The following SERPINB8 variants were observed in gnomAD, a reference collection of about 807,000 sequenced individuals.
SERPINB8 encodes the protein serpin family B member 8, also known as serpin B8.
Under a neutral mutation model 35.3 loss-of-function variants are expected in SERPINB8, and 25 were observed. The ratio of observed to expected loss-of-function variants is 0.71; its 90% CI spans 0.52 to 0.99. The LOEUF (loss-of-function observed/expected upper bound fraction) is 0.99, where lower values mean the gene tolerates loss of function less well. Among genes scored for constraint, SERPINB8 ranks in the 50% least tolerant of loss-of-function variants. The probability of loss-of-function intolerance (pLI) is 0.00; values close to 1 mark genes in which losing one functional copy is unlikely to be tolerated. For synonymous variants in SERPINB8, 186 were observed against 160.8 expected (o/e 1.16, Z -1.19); for missense variants, 484 against 446.5 (o/e 1.08, Z -0.76).
chr18:64,012,931 G>A (rs1296790002), intron 7 of SERPINB8, among the ~76,000 whole-genome samples: 1 of 152,112 alleles, frequency 6.6e-6, no homozygotes, highest in East Asian at 1.9e-4. Context: ...GCCCGGAGGG[G>A]TGGCCCCTTC....
At chr18:63,998,727 G>T (rs2050861332) in intron 1 of SERPINB8, among the ~76,000 whole-genome samples, 1 of 152,120 alleles carries the variant, frequency 6.6e-6, no homozygotes, top group African/African-American at 2.4e-5. Context: ...CAAAATCAGT[G>T]GGAGATCAGG....
At chr18:63,983,141 A>G (rs1443075673) in intron 4 of SERPINB8, among the ~76,000 whole-genome samples, 2 of 152,156 alleles carry the variant, frequency 1.3e-5, no homozygotes, top group Admixed American at 6.5e-5. Flanking sequence ...ACATCCTACA[A>G]TGCACAAGAC....
At chr18:64,011,961 T>C (rs1485789705) in intron 7 of SERPINB8, among the ~76,000 whole-genome samples, 1 of 152,162 alleles carries the variant, frequency 6.6e-6, no homozygotes, top group Non-Finnish European at 1.5e-5. Context: ...AATAGTATTA[T>C]GTTTGGTGAC....
intron 7 of SERPINB8, among the ~76,000 whole-genome samples, chr18:64,014,166 T>A (rs537903476): frequency 1.3e-5 from 2 of 152,226 alleles, no homozygotes; most frequent in East Asian, 3.9e-4. Flanking sequence ...TTGAAAGTAG[T>A]GGAGTAGTGT....
At chr18:63,985,416 G>A (rs529773674) in intron 6 of SERPINB8, among the ~76,000 whole-genome samples, 171 bp downstream of exon 6, 1 of 152,330 alleles carries the variant, frequency 6.6e-6, no homozygotes, top group East Asian at 1.9e-4. Flanking sequence ...TTTCTGTTGA[G>A]TGTATACATA....
chr18:63,983,825 A>C, intron 5 of SERPINB8, 104 bp downstream of exon 5: 1 of 837,402 alleles, frequency 1.2e-6, no homozygotes, highest in Non-Finnish European at 1.9e-6. Flanking sequence ...TCTTGATTTT[A>C]ATCTATTTCT....
intron 7 of SERPINB8, among the ~76,000 whole-genome samples, chr18:64,013,009 T>C (rs2050932685): frequency 6.6e-6 from 1 of 152,202 alleles, no homozygotes; most frequent in African/African-American, 2.4e-5. Context: ...AGTTCTACTA[T>C]TGGGCTCTAT....
downstream of SERPINB8, among the ~76,000 whole-genome samples, chr18:64,010,450 G>T (rs1332697865): frequency 6.6e-6 from 1 of 152,092 alleles, no homozygotes; most frequent in African/African-American, 2.4e-5. Flanking sequence ...CTCATAGCAA[G>T]AAAAATAAAT....
chr18:63,970,233 C>A, intron 1 of SERPINB8, 63 bp downstream of exon 1: 1 of 237,950 alleles, frequency 4.2e-6, no homozygotes, highest in Non-Finnish European at 8.4e-6. Flanking sequence ...CCCGCGGAGG[C>A]CACCTCTTCC....
At chr18:63,992,194 A>T (rs1338514355), downstream of SERPINB8, among the ~76,000 whole-genome samples, 1 of 152,250 alleles carries the variant, frequency 6.6e-6, no homozygotes, top group Non-Finnish European at 1.5e-5. Flanking sequence ...TCTGGAACAG[A>T]TGTTGTATAA....
At chr18:63,973,061 G>C (rs527558505) in intron 1 of SERPINB8, among the ~76,000 whole-genome samples, 2 of 152,186 alleles carry the variant, frequency 1.3e-5, no homozygotes, top group Admixed American at 6.5e-5. Context: ...TTGAGGAATC[G>C]CCACACTGTC....
chr18:64,001,461 C>CTGTT (rs58635020), intron 1 of SERPINB8, among the ~76,000 whole-genome samples: 5,886 of 145,216 alleles, frequency 0.041, 146 homozygotes, highest in Middle Eastern at 0.088. Flanking sequence ...CTTTTCTTTT[C>CTGTT]TGTTTGTTTG....
chr18:64,014,015 G>A (rs942187633), intron 7 of SERPINB8, among the ~76,000 whole-genome samples: 6 of 152,150 alleles, frequency 3.9e-5, no homozygotes, highest in Non-Finnish European at 2.9e-5. Context: ...GAGTTCAGGA[G>A]AGAAACACTT....
At chr18:64,018,897 CA>C (rs1319140630) in intron 7 of SERPINB8, 1 of 152,138 alleles carries the variant, frequency 6.6e-6, no homozygotes, top group Non-Finnish European at 1.5e-5. Context: ...GAATGTCTCT[CA>C]TTTTTTTTTA....
chr18:64,012,945 C>T (rs1216475586), intron 7 of SERPINB8, among the ~76,000 whole-genome samples: 1 of 152,176 alleles, frequency 6.6e-6, no homozygotes, highest in Non-Finnish European at 1.5e-5. Context: ...CCCCTTCTAG[C>T]TACTTCCACT....
At chr18:64,014,983 C>T (rs2050942983) in intron 7 of SERPINB8, among the ~76,000 whole-genome samples, 1 of 152,134 alleles carries the variant, frequency 6.6e-6, no homozygotes, top group Admixed American at 6.5e-5. Flanking sequence ...GCCTTTTTAT[C>T]TTTTCTCCTA....
chr18:63,994,818 G>T (rs569505195), intron 1 of SERPINB8, among the ~76,000 whole-genome samples: 1 of 152,280 alleles, frequency 6.6e-6, no homozygotes, highest in Admixed American at 6.5e-5. Flanking sequence ...GAATTTTTAT[G>T]CCACTACTGC....
chr18:63,998,232 T>A (rs959833636), intron 1 of SERPINB8, among the ~76,000 whole-genome samples: 1 of 152,216 alleles, frequency 6.6e-6, no homozygotes, highest in African/African-American at 2.4e-5. Flanking sequence ...TGATGAGTTC[T>A]CTGTATTTGG....
At chr18:64,001,461 C>CTGTTTGTT (rs58635020) in intron 1 of SERPINB8, among the ~76,000 whole-genome samples, 59,889 of 144,466 alleles carry the variant, frequency 0.41, 13,204 homozygotes, top group East Asian at 0.67. Flanking sequence ...CTTTTCTTTT[C>CTGTTTGTT]TGTTTGTTTG....
Sources: allele counts gnomAD v4.1 joint callset (sites outside exome capture counted in the v4.1 genomes callset), GRCh38; gene constraint gnomAD v4.1.1; transcripts MANE v1.5; gene names NCBI Gene and HGNC (gene_info 2026-07-23, HGNC 2026-07-21).